The following KLHL32 variants were observed in gnomAD, a reference collection of about 807,000 sequenced individuals.
KLHL32 encodes the protein kelch-like protein 32.
KLHL32 carries 35 observed loss-of-function variants against 64.8 expected under a neutral mutation model. That is an observed-to-expected ratio of 0.54 (90% CI 0.41 to 0.72). KLHL32 has a LOEUF of 0.72. Among genes scored for constraint, KLHL32 ranks in the 30% least tolerant of loss-of-function variants. The pLI is 0.00. For synonymous variants in KLHL32, 259 were observed against 281.0 expected (o/e 0.92, Z 0.78); for missense variants, 589 against 768.5 (o/e 0.77, Z 2.76).
intron 7 of KLHL32, among the ~76,000 whole-genome samples, chr6:97,125,770 CTG>C (rs1798803849): frequency 6.6e-6 from 1 of 152,116 alleles, no homozygotes; most frequent in Non-Finnish European, 1.5e-5. Context: ...AAGCGAGACT[CTG>C]TCTCAAAAAA....
intron 6 of KLHL32, among the ~76,000 whole-genome samples, chr6:97,092,434 G>C (rs762672719): frequency 2.6e-5 from 4 of 152,074 alleles, no homozygotes; most frequent in Non-Finnish European, 4.4e-5. Context: ...TTACAAATTT[G>C]TACCACTTCT....
At chr6:96,926,132 C>T (rs1297234309) in intron 1 of KLHL32, among the ~76,000 whole-genome samples, 1 of 152,116 alleles carries the variant, frequency 6.6e-6, no homozygotes, top group East Asian at 1.9e-4. Context: ...ACACTTTGCA[C>T]GAATTTCATG....
intron 1 of KLHL32, among the ~76,000 whole-genome samples, chr6:96,965,916 A>G (rs1167733419): frequency 3.3e-5 from 5 of 152,230 alleles, no homozygotes; most frequent in Non-Finnish European, 5.9e-5. Flanking sequence ...AAAATGTTCA[A>G]AGCAACTCAA....
intron 6 of KLHL32, among the ~76,000 whole-genome samples, chr6:97,093,960 A>C (rs1279367611): frequency 1.3e-5 from 2 of 152,204 alleles, no homozygotes; most frequent in Admixed American, 6.5e-5. Flanking sequence ...TCCCTATTTG[A>C]GACCAGAGAT....
intron 10 of KLHL32, among the ~76,000 whole-genome samples, chr6:97,137,528 GAAGTTA>G (rs976804409): frequency 2.3e-4 from 35 of 151,972 alleles, no homozygotes; most frequent in African/African-American, 5.1e-4. Context: ...ATGCGTTGTT[GAAGTTA>G]AAGTCTTTTT....
intron 1 of KLHL32, among the ~76,000 whole-genome samples, chr6:96,926,328 A>G (rs892188951): frequency 2.6e-5 from 4 of 152,266 alleles, no homozygotes; most frequent in African/African-American, 9.6e-5. Context: ...AGGAGCAAGT[A>G]AGCCAAATAA....
chr6:96,910,406 C>T, the KLHL32 span, among the ~76,000 whole-genome samples: 1 of 152,136 alleles, frequency 6.6e-6, no homozygotes, highest in South Asian at 2.1e-4. Context: ...CTCCCTTGTT[C>T]ATGAGAGAAA....
At chr6:96,993,992 G>A (rs1431971451) in intron 3 of KLHL32, among the ~76,000 whole-genome samples, 1 of 152,092 alleles carries the variant, frequency 6.6e-6, no homozygotes, top group Non-Finnish European at 1.5e-5. Context: ...TAGAGATACT[G>A]TATCTTCCAG....
intron 6 of KLHL32, among the ~76,000 whole-genome samples, chr6:97,104,165 T>A (rs968256404): frequency 6.6e-6 from 1 of 152,232 alleles, no homozygotes; most frequent in Admixed American, 6.5e-5. Context: ...ATTTACCTTT[T>A]AAATAAATCC....
chr6:97,008,345 G>A (rs1779928286), intron 3 of KLHL32, among the ~76,000 whole-genome samples: 1 of 152,172 alleles, frequency 6.6e-6, no homozygotes. Context: ...CACTGCAAGT[G>A]GGTGCAACCA....
intron 3 of KLHL32, among the ~76,000 whole-genome samples, chr6:97,022,326 A>G (rs1289855163): frequency 1.3e-5 from 2 of 150,620 alleles, no homozygotes; most frequent in East Asian, 1.9e-4. Context: ...GCACCTGAGA[A>G]TCTTTGCACA....
intron 5 of KLHL32, among the ~76,000 whole-genome samples, chr6:97,082,970 T>C (rs9320409): frequency 0.36 from 55,095 of 152,060 alleles, 11,073 homozygotes; most frequent in East Asian, 0.46. Flanking sequence ...AATGCTCAAA[T>C]ATACTTTATT....
chr6:97,085,307 G>A lies in KLHL32; in HGVS notation c.593G>A (p.Arg198His), dbSNP rs757887926. 110 of 1,612,876 alleles carry A rather than the reference G, an allele frequency of 6.8e-5. No homozygotes were observed. Among genetic ancestry groups the A allele is most frequent in the South Asian group, 4.8e-4 (44 of 91,018 alleles). ...CTTCAGGAGGTGCTGAAGAGCGACC[G>A]CCTGACCTCCCTGAGTGAAGAGCAG... is the stretch of plus-strand genomic sequence containing the variant. ...CLLQEVLKSDRLTSLSEEQIW... is the reference protein window; with the variant it reads ...CLLQEVLKSDHLTSLSEEQIW... Residue 198 changes from arginine (R) to histidine (H), a missense_variant, in exon 6 of 11, where the codon CGC becomes CAC. By Grantham distance (29) the Arg-to-His change is conservative. Coordinates refer to ENST00000369261, the MANE Select transcript of KLHL32 (RefSeq NM_052904.4).
the KLHL32 span, among the ~76,000 whole-genome samples, chr6:96,912,011 T>C: frequency 6.6e-6 from 1 of 151,886 alleles, no homozygotes; most frequent in African/African-American, 2.4e-5. Context: ...AATCTATCAC[T>C]CCAGCCATCT....
intron 1 of KLHL32, among the ~76,000 whole-genome samples, chr6:96,926,783 C>T (rs1769218285): frequency 6.6e-6 from 1 of 152,138 alleles, no homozygotes; most frequent in Non-Finnish European, 1.5e-5. Context: ...GGCTCTAAAA[C>T]ATGACAGTTT....
intron 7 of KLHL32, among the ~76,000 whole-genome samples, chr6:97,114,883 C>T (rs1797658577): frequency 6.6e-6 from 1 of 152,160 alleles, no homozygotes; most frequent in Non-Finnish European, 1.5e-5. Flanking sequence ...TGACTAGAGC[C>T]ATTTCATCAA....
chr6:96,933,109 G>C (rs1348191709), intron 1 of KLHL32, among the ~76,000 whole-genome samples: 4 of 152,140 alleles, frequency 2.6e-5, no homozygotes. Flanking sequence ...ATGGAATTAG[G>C]ACAGGATGAA....
the KLHL32 span, among the ~76,000 whole-genome samples, chr6:96,909,864 C>T: frequency 6.6e-6 from 1 of 152,122 alleles, no homozygotes; most frequent in African/African-American, 2.4e-5. Flanking sequence ...GCAGTTGTGT[C>T]CTGCTGGTAT....
chr6:96,966,894 A>G, intron 1 of KLHL32, 102 bp from the exon 2 acceptor site: 1 of 596,390 alleles, frequency 1.7e-6, no homozygotes, highest in Non-Finnish European at 3.1e-6. Context: ...AAGCTCTCCA[A>G]GCTGTCTCCC....
Sources: gnomAD v4.1 joint callset for allele counts (sites outside exome capture counted in the v4.1 genomes callset) on GRCh38, gnomAD v4.1.1 for gene constraint, MANE v1.5 for transcripts, NCBI Gene and HGNC (gene_info 2026-07-23, HGNC 2026-07-21) for gene names.